ABTB2: variants seen among roughly 807,000 people sequenced by gnomAD.
The protein encoded by ABTB2 is ankyrin repeat and BTB domain containing 2, also known as ankyrin repeat and BTB/POZ domain-containing protein 2.
ABTB2 carries 56 observed loss-of-function variants against 104.1 expected under a neutral mutation model. That is an observed-to-expected ratio of 0.54 (90% CI 0.43 to 0.67). ABTB2 has a LOEUF of 0.67. Among genes scored for constraint, ABTB2 ranks in the 30% least tolerant of loss-of-function variants. The probability of loss-of-function intolerance (pLI) is 0.00; values close to 1 mark genes in which losing one functional copy is unlikely to be tolerated. For missense variants in ABTB2, 1,279 were observed against 1,407.7 expected, an observed-to-expected ratio of 0.91 and a Z score of 1.46; for synonymous variants, 606 against 608.2, an observed-to-expected ratio of 1.00 and a Z score of 0.05.
intron 1 of ABTB2, among the ~76,000 whole-genome samples, chr11:34,348,506 C>A (rs1855360580): frequency 6.6e-6 from 1 of 152,174 alleles, no homozygotes; most frequent in Non-Finnish European, 1.5e-5. Flanking sequence ...GTTCCCTCTG[C>A]CTGGAAGCCT....
chr11:34,297,049 C>G (rs1854631284), intron 1 of ABTB2, among the ~76,000 whole-genome samples: 1 of 152,194 alleles, frequency 6.6e-6, no homozygotes, highest in Non-Finnish European at 1.5e-5. Context: ...TTTATACATA[C>G]AGTGTAGCCA....
chr11:34,165,322 G>C lies in ABTB2; in HGVS notation c.1790C>G (p.Ser597Trp). The change falls in exon 8 of 17, where the codon TCG (serine) becomes TGG (tryptophan). Residue 597 changes from serine to tryptophan, a missense_variant. By Grantham distance (177) the Ser-to-Trp change is radical (BLOSUM62 -3). Coordinates refer to ENST00000435224, the MANE Select transcript of ABTB2 (RefSeq NM_145804.3). ...GCTGTCCTCGCCGCCGTTCACTGCC[G>C]AGCCCTCGACATGGGCACCAGCATC... ...LLDAGAHVEGSAVNGGEDSYA... is the reference protein window; with the variant it reads ...LLDAGAHVEGWAVNGGEDSYA... The C allele has an allele frequency of 1.3e-6, 2 of 1,585,568 alleles. No homozygotes were observed. Among genetic ancestry groups the C allele is most frequent in the Non-Finnish European group, 1.7e-6 (2 of 1,166,724 alleles).
chr11:34,196,618 C>A (rs923818946), intron 3 of ABTB2, among the ~76,000 whole-genome samples: 22 of 152,328 alleles, frequency 1.4e-4, no homozygotes, highest in African/African-American at 5.0e-4. Flanking sequence ...CCTACTCATG[C>A]CCCTCATTGG....
chr11:34,202,336 C>T (rs1853352422), intron 2 of ABTB2, among the ~76,000 whole-genome samples: 1 of 152,134 alleles, frequency 6.6e-6, no homozygotes, highest in African/African-American at 2.4e-5. Context: ...AGTGTGAAGG[C>T]TCTGGAGTGG....
intron 3 of ABTB2, among the ~76,000 whole-genome samples, chr11:34,176,294 A>G (rs971044761): frequency 1.3e-5 from 2 of 151,786 alleles, no homozygotes; most frequent in African/African-American, 4.8e-5. Context: ...AAAAAAAAAA[A>G]AAAAAAAAGA....
Position 34,159,335 on chromosome 11 carries a change from C to T in ABTB2, c.2658G>A (p.Lys886=). The T allele has an allele frequency of 1.2e-6, 2 of 1,614,084 alleles. No individual in the cohort carries two copies. The highest frequency in any genetic ancestry group is 1.7e-6 in the Non-Finnish European group (2 of 1,179,970). The change falls in exon 14 of 17, where the codon AAG becomes AAA. Residue 886 remains lysine (K), a synonymous_variant. Coordinates refer to ENST00000435224, the MANE Select transcript of ABTB2 (RefSeq NM_145804.3). ...NKSEQDGDSS[K]TIEISDMKYH... ...ACTTCATGTCGCTGATCTCGATGGTCTTGCTGCTGTCCCCATCCTGTTCTG... is the reference window on the plus strand; with the variant it reads ...ACTTCATGTCGCTGATCTCGATGGTTTTGCTGCTGTCCCCATCCTGTTCTG...
At chr11:34,275,921 G>A (rs958456445) in intron 1 of ABTB2, among the ~76,000 whole-genome samples, 7 of 152,182 alleles carry the variant, frequency 4.6e-5, no homozygotes, top group Non-Finnish European at 8.8e-5. Context: ...GAAGACAGCT[G>A]TCGTCCTGGA....
intron 1 of ABTB2, among the ~76,000 whole-genome samples, chr11:34,341,984 C>T (rs532203577): frequency 1.3e-5 from 2 of 152,208 alleles, no homozygotes; most frequent in Non-Finnish European, 1.5e-5. Context: ...TTTCTGGTGA[C>T]AAATGCCTTT....
Position 34,296,243 on chromosome 11 carries a change from C to T in ABTB2, c.883+60458G>A, listed in dbSNP as rs1005894767. ...GGGAGAGGGCAGAGTTGGGTTTAAC[C>T]AGGGTTAGGATTTTCCAGAAAGGGT... On this transcript the variant is annotated intron_variant, in intron 1 of 16. Coordinates refer to ENST00000435224, the MANE Select transcript of ABTB2 (RefSeq NM_145804.3). Among the ~76,000 whole-genome samples, 16 of 152,124 alleles carry T rather than the reference C, an allele frequency of 1.1e-4. No individual in the cohort carries two copies. The South Asian group carries it at 1.7e-3, about 16-fold the overall frequency.
Position 34,195,077 on chromosome 11 carries a change from G to T in ABTB2, c.1244+2248C>A, listed in dbSNP as rs950210109. On this transcript the variant is annotated intron_variant, in intron 3 of 16. Transcript: ENST00000435224. ...CAGGACATGACAAAGATGCCCGGCG[G>T]GGGGGGGGAGTGGGGGCGGGAGAAA... Among the ~76,000 whole-genome samples, 19 of 97,322 alleles carry T rather than the reference G, an allele frequency of 2.0e-4. 2 individuals are homozygous for T. The highest frequency in any genetic ancestry group is 3.4e-4 in the Non-Finnish European group (14 of 41,426). 63.8% of individuals were successfully genotyped at this position (97,322 alleles called of 152,430 possible). A position where few individuals can be genotyped will look rare whatever the true frequency, so the allele number is the denominator to read the frequency against.
At position 34,152,105 on chromosome 11, in the gene ABTB2, G is replaced by A. The variant is rs75958446; in HGVS notation, c.*282C>T. ...AGCTGCTGACCTGCAGGAGGGGAGA[G>A]CGACACCCCGGGGGAGTGCATGGCT... is the stretch of plus-strand genomic sequence containing the variant. On this transcript the variant is annotated 3_prime_UTR_variant, in exon 17 of 17. Transcript: ENST00000435224. 3 of 438,636 alleles carry A rather than the reference G, an allele frequency of 6.8e-6. No individual in the cohort carries two copies. The East Asian group carries it at 1.4e-4, about 20-fold the overall frequency. 27.2% of individuals were successfully genotyped at this position (438,636 alleles called of 1,614,324 possible).
intron 10 of ABTB2, 81 bp downstream of exon 10, chr11:34,162,495 C>T (rs1852735702): frequency 1.4e-6 from 2 of 1,457,338 alleles, no homozygotes; most frequent in Non-Finnish European, 1.9e-6. Context: ...CCCTCTCAGG[C>T]CTGCTGAAGA....
chr11:34,256,380 A>G (rs1331983110), intron 1 of ABTB2, among the ~76,000 whole-genome samples: 1 of 152,140 alleles, frequency 6.6e-6, no homozygotes, highest in African/African-American at 2.4e-5. Context: ...GTCAGTCTTG[A>G]AGGAATACTG....
intron 1 of ABTB2, among the ~76,000 whole-genome samples, chr11:34,214,991 A>C (rs1237908947): frequency 6.6e-6 from 1 of 152,210 alleles, no homozygotes; most frequent in East Asian, 1.9e-4. Flanking sequence ...TGCATGCCTC[A>C]TTCCAAGTAT....
chr11:34,314,436 A>C (rs1185511955), intron 1 of ABTB2, among the ~76,000 whole-genome samples: 2 of 152,208 alleles, frequency 1.3e-5, no homozygotes, highest in African/African-American at 2.4e-5. Flanking sequence ...TCCATGTTCA[A>C]TAGTATTTGT....
At chr11:34,229,547 TA>T (rs1170292253) in intron 1 of ABTB2, among the ~76,000 whole-genome samples, 1 of 151,444 alleles carries the variant, frequency 6.6e-6, no homozygotes, top group Non-Finnish European at 1.5e-5. Flanking sequence ...ACTTCTGTGC[TA>T]GAATGGGTTT....
At chr11:34,159,206 C>A in intron 14 of ABTB2, 90 bp downstream of exon 14, 3 of 936,100 alleles carry the variant, frequency 3.2e-6, no homozygotes, top group Non-Finnish European at 3.4e-6. Context: ...ATAGAGTGAA[C>A]AATGACAACC....
intron 3 of ABTB2, among the ~76,000 whole-genome samples, chr11:34,176,141 G>T (rs1436102127): frequency 6.6e-6 from 1 of 151,994 alleles, no homozygotes; most frequent in Non-Finnish European, 1.5e-5. Context: ...TTAGCCGGGC[G>T]TGGTGGTACT....
At chr11:34,315,110 C>T (rs2611139) in intron 1 of ABTB2, among the ~76,000 whole-genome samples, 437 of 152,336 alleles carry the variant, frequency 2.9e-3, no homozygotes, top group African/African-American at 0.01. Flanking sequence ...TGCACTCGCG[C>T]GAGCCTGCCT....
Sources: gnomAD v4.1 joint callset for allele counts (sites outside exome capture counted in the v4.1 genomes callset) on GRCh38, gnomAD v4.1.1 for gene constraint, MANE v1.5 for transcripts, NCBI Gene and HGNC (gene_info 2026-07-23, HGNC 2026-07-21) for gene names.